The following UNC5D variants were observed in gnomAD, a reference collection of about 807,000 sequenced individuals.
UNC5D encodes the protein netrin receptor UNC5D.
Under a neutral mutation model 105.4 loss-of-function variants are expected in UNC5D, and 39 were observed. That is an observed-to-expected ratio of 0.37 (90% confidence interval 0.29 to 0.48). The LOEUF (loss-of-function observed/expected upper bound fraction) is 0.48. UNC5D is among the 20% of genes least tolerant of loss of function. The probability of loss-of-function intolerance (pLI) is 0.98; values close to 1 mark genes in which losing one functional copy is unlikely to be tolerated. For synonymous variants in UNC5D, 452 were observed against 450.4 expected, an observed-to-expected ratio of 1.00 and a Z score of -0.04; for missense variants, 991 against 1,202.4, an observed-to-expected ratio of 0.82 and a Z score of 2.60.
chr8:35,315,440 G>C (rs1481045308), intron 1 of UNC5D, among the ~76,000 whole-genome samples: 2 of 152,100 alleles, frequency 1.3e-5, no homozygotes, highest in Admixed American at 6.6e-5. Context: ...AGATGGCTGG[G>C]GCAGTGGAGA....
At chr8:35,417,719 C>T (rs1161691334) in intron 1 of UNC5D, among the ~76,000 whole-genome samples, 1 of 152,034 alleles carries the variant, frequency 6.6e-6, no homozygotes, top group African/African-American at 2.4e-5. Flanking sequence ...ATGATGTCTT[C>T]ACCTTTTTGT....
At chr8:35,263,408 G>A (rs373537155) in intron 1 of UNC5D, among the ~76,000 whole-genome samples, 14 of 152,110 alleles carry the variant, frequency 9.2e-5, no homozygotes, top group African/African-American at 2.9e-4. Context: ...TTAATTAAAA[G>A]CATTTTTTTT....
chr8:35,498,869 C>T (rs1468728555), intron 1 of UNC5D, among the ~76,000 whole-genome samples: 1 of 152,100 alleles, frequency 6.6e-6, no homozygotes, highest in Non-Finnish European at 1.5e-5. Flanking sequence ...ACTTTTATTC[C>T]TAGGATCTTT....
chr8:35,332,816 T>C (rs559416260), intron 1 of UNC5D, among the ~76,000 whole-genome samples: 3 of 152,224 alleles, frequency 2.0e-5, no homozygotes, highest in Admixed American at 2.0e-4. Context: ...TACTTTGAGG[T>C]ATGGTAAACT....
intron 1 of UNC5D, among the ~76,000 whole-genome samples, chr8:35,310,058 C>G (rs1808755000): frequency 6.6e-6 from 1 of 152,094 alleles, no homozygotes; most frequent in Non-Finnish European, 1.5e-5. Context: ...GACCTCTATT[C>G]TGATAATTTT....
At chr8:35,615,540 C>G (rs1820980368) in intron 4 of UNC5D, among the ~76,000 whole-genome samples, 1 of 152,080 alleles carries the variant, frequency 6.6e-6, no homozygotes, top group Non-Finnish European at 1.5e-5. Flanking sequence ...CTTGCTCTGT[C>G]ACTCAGGCTG....
intron 3 of UNC5D, among the ~76,000 whole-genome samples, chr8:35,572,107 C>A (rs929506658): frequency 6.6e-6 from 1 of 151,698 alleles, no homozygotes; most frequent in Admixed American, 6.6e-5. Context: ...GCCAACATGT[C>A]GAAACCCCGT....
intron 1 of UNC5D, among the ~76,000 whole-genome samples, chr8:35,273,738 C>T (rs555625505): frequency 1.4e-4 from 22 of 152,184 alleles, no homozygotes; most frequent in Non-Finnish European, 3.2e-4. Flanking sequence ...ATTCTTGCCA[C>T]TTGACCGATG....
intron 1 of UNC5D, among the ~76,000 whole-genome samples, chr8:35,315,680 G>A (rs1809246102): frequency 6.6e-6 from 1 of 152,162 alleles, no homozygotes; most frequent in African/African-American, 2.4e-5. Context: ...CAATTTTGTA[G>A]TTTATTGCAA....
intron 4 of UNC5D, among the ~76,000 whole-genome samples, chr8:35,613,839 A>G (rs1820849992): frequency 6.6e-6 from 1 of 152,142 alleles, no homozygotes; most frequent in Non-Finnish European, 1.5e-5. Context: ...ACAGAGCAAA[A>G]CTGTCTCAAA....
At chr8:35,323,319 G>A (rs911041036) in intron 1 of UNC5D, among the ~76,000 whole-genome samples, 1 of 151,154 alleles carries the variant, frequency 6.6e-6, no homozygotes, top group African/African-American at 2.4e-5. Flanking sequence ...AAAAAGGAGT[G>A]GCTACCTAAT....
At chr8:35,512,541 A>ATG (rs1476984391) in intron 1 of UNC5D, among the ~76,000 whole-genome samples, 13 of 56,364 alleles carry the variant, frequency 2.3e-4, no homozygotes, top group African/African-American at 7.2e-4. Context: ...ATATGTATGT[A>ATG]TATATATATA....
rs375140893 is a variant in UNC5D, at chr8:35,603,911, T to G, written c.570+8254T>G. On this transcript the variant is annotated intron_variant, in intron 4 of 16. Transcript: ENST00000404895. ...CATTTGCTTGGTAGATCTTCCTCCA[T>G]CCCTTTATTTTGAGCCTATGTGTGT... 2.9e-4 allele frequency among the ~76,000 whole-genome samples: 44 copies of G among 152,228 alleles called. 2 individuals carry two copies. Among genetic ancestry groups the G allele is most frequent in the Admixed American group, 2.6e-3 (39 of 15,288 alleles).
chr8:35,621,378 C>T (rs1821353531), intron 4 of UNC5D, among the ~76,000 whole-genome samples: 1 of 152,126 alleles, frequency 6.6e-6, no homozygotes, highest in South Asian at 2.1e-4. Context: ...ATGTACTAGG[C>T]ACTCAGAAAA....
At chr8:35,688,459 G>C (rs1016245858) in intron 7 of UNC5D, among the ~76,000 whole-genome samples, 2 of 152,156 alleles carry the variant, frequency 1.3e-5, no homozygotes, top group African/African-American at 4.8e-5. Flanking sequence ...AAAATGATTA[G>C]TACATTGAAA....
At chr8:35,680,232 G>T (rs1825564499) in intron 4 of UNC5D, among the ~76,000 whole-genome samples, 1 of 152,100 alleles carries the variant, frequency 6.6e-6, no homozygotes, top group African/African-American at 2.4e-5. Flanking sequence ...TCTCTGGTCT[G>T]CACTCTCAAT....
intron 8 of UNC5D, among the ~76,000 whole-genome samples, chr8:35,719,195 T>C (rs1452667044): frequency 7.0e-6 from 1 of 142,222 alleles, no homozygotes; most frequent in East Asian, 2.2e-4. Flanking sequence ...CACGACTTTC[T>C]CCCTTCTCTC....
intron 11 of UNC5D, among the ~76,000 whole-genome samples, chr8:35,748,202 G>A (rs1830097129): frequency 6.6e-6 from 1 of 152,182 alleles, no homozygotes; most frequent in South Asian, 2.1e-4. Flanking sequence ...GCATCAACAA[G>A]AATAAGGATT....
intron 3 of UNC5D, among the ~76,000 whole-genome samples, chr8:35,580,145 C>T (rs1818381755): frequency 6.6e-6 from 1 of 152,034 alleles, no homozygotes; most frequent in Admixed American, 6.5e-5. Context: ...TAAAATAAAC[C>T]AGTTTGAAGA....
Sources: allele counts gnomAD v4.1 joint callset (sites outside exome capture counted in the v4.1 genomes callset), GRCh38; gene constraint gnomAD v4.1.1; transcripts MANE v1.5; gene names NCBI Gene and HGNC (gene_info 2026-07-23, HGNC 2026-07-21).